STXBP4: variants seen among roughly 807,000 people sequenced by gnomAD.
STXBP4 encodes the protein syntaxin-binding protein 4.
Under a neutral mutation model 76.1 loss-of-function variants are expected in STXBP4, and 55 were observed. The ratio of observed to expected loss-of-function variants is 0.72; its 90% CI spans 0.58 to 0.91. The LOEUF is 0.91. Ranked by LOEUF, STXBP4 falls within the 40% of genes least tolerant of loss-of-function variation. The probability of loss-of-function intolerance (pLI) is 0.00; values close to 1 mark genes in which losing one functional copy is unlikely to be tolerated. For missense variants in STXBP4, 618 were observed against 636.9 expected (o/e 0.97, Z 0.32); for synonymous variants, 201 against 220.2 (o/e 0.91, Z 0.77).
intron 13 of STXBP4, among the ~76,000 whole-genome samples, chr17:55,074,896 CT>C (rs1028303813): frequency 1.5e-3 from 217 of 147,396 alleles, no homozygotes; most frequent in Admixed American, 5.1e-3. Flanking sequence ...AGAAGGAAAC[CT>C]TTTTTTTTTA....
At position 54,999,452 on chromosome 17, in the gene STXBP4, G is replaced by T; in HGVS notation, c.287+1G>T. ...GCATAATTACCGGAGCCAAGTTGAG[G>T]TAACTATACTATCCATGAGATAGAA... On this transcript the variant is annotated splice_donor_variant, in intron 5 of 17. Coordinates refer to ENST00000376352, the MANE Select transcript of STXBP4 (RefSeq NM_178509.6). LOFTEE classifies it high-confidence loss of function. The T allele has an allele frequency of 1.9e-6, 3 of 1,605,498 alleles. No homozygotes were observed. The highest frequency in any genetic ancestry group is 2.6e-6 in the Non-Finnish European group (3 of 1,175,016).
At chr17:55,057,499 T>G (rs1460106733) in intron 12 of STXBP4, among the ~76,000 whole-genome samples, 1 of 152,158 alleles carries the variant, frequency 6.6e-6, no homozygotes, top group Non-Finnish European at 1.5e-5. Context: ...AGCAGCCTCT[T>G]TCTTCTTTGA....
chr17:55,103,874 A>T (rs186131040), intron 16 of STXBP4, among the ~76,000 whole-genome samples: 1 of 152,172 alleles, frequency 6.6e-6, no homozygotes, highest in African/African-American at 2.4e-5. Flanking sequence ...TAGGTATTTT[A>T]TTCTCTTTGT....
intron 16 of STXBP4, among the ~76,000 whole-genome samples, chr17:55,096,749 A>G (rs1170796801): frequency 1.3e-5 from 2 of 152,178 alleles, no homozygotes; most frequent in African/African-American, 2.4e-5. Flanking sequence ...TTGCGTAACA[A>G]TACATAAAAA....
the STXBP4 span, among the ~76,000 whole-genome samples, chr17:55,187,000 C>G: frequency 6.6e-6 from 1 of 152,224 alleles, no homozygotes; most frequent in South Asian, 2.1e-4. Flanking sequence ...GAAAGGTATT[C>G]ATTCAAGTGA....
In STXBP4 at chr17:55,078,064, A is replaced by T. The variant is rs1007486462; in HGVS notation, c.1189-14A>T. The T allele has an allele frequency of 2.0e-6, 3 of 1,528,458 alleles. No homozygotes were observed. The highest frequency in any genetic ancestry group is 2.7e-6 in the Non-Finnish European group (3 of 1,121,230). 94.7% of individuals were successfully genotyped at this position (1,528,458 alleles called of 1,614,324 possible). ...AAGAAATGTGTAAATGCTCCTTTTG[A>T]TATCTCTGTGCAGGAAAGTGTTCAG... On this transcript the variant is annotated splice_polypyrimidine_tract_variant and intron_variant, in intron 13 of 17. Transcript: ENST00000376352.
At chr17:55,017,160 GT>G (rs1216518721) in intron 8 of STXBP4, among the ~76,000 whole-genome samples, 2 of 152,112 alleles carry the variant, frequency 1.3e-5, no homozygotes, top group African/African-American at 4.8e-5. Flanking sequence ...GGGCACACTG[GT>G]TTTTTACTAT....
At chr17:55,193,854 A>G in the STXBP4 span, among the ~76,000 whole-genome samples, 1 of 150,986 alleles carries the variant, frequency 6.6e-6, no homozygotes. Context: ...TTCCTACAGC[A>G]AGGTGTCCAT....
chr17:54,986,085 A>G, intron 2 of STXBP4, 57 bp from the exon 3 acceptor site: 1 of 728,186 alleles, frequency 1.4e-6, no homozygotes, highest in Non-Finnish European at 2.4e-6. Context: ...GAACAGTTGG[A>G]ATCAAATTTG....
At chr17:55,159,137 T>A (rs2080312013) in intron 17 of STXBP4, among the ~76,000 whole-genome samples, 1 of 152,018 alleles carries the variant, frequency 6.6e-6, no homozygotes, top group South Asian at 2.1e-4. Flanking sequence ...CCTAGCTACT[T>A]GGGAGGCTGA....
chr17:55,095,718 T>A (rs991341174), intron 16 of STXBP4, among the ~76,000 whole-genome samples: 1 of 152,196 alleles, frequency 6.6e-6, no homozygotes, highest in Non-Finnish European at 1.5e-5. Flanking sequence ...TAATATGTCC[T>A]CACAGCAACC....
At chr17:55,155,615 G>A (rs1272609189) in intron 17 of STXBP4, among the ~76,000 whole-genome samples, 3 of 150,914 alleles carry the variant, frequency 2.0e-5, no homozygotes, top group East Asian at 3.9e-4. Flanking sequence ...TCACAATGAT[G>A]TATAAATAGT....
At chr17:54,977,520 T>C (rs1237396866) in intron 1 of STXBP4, among the ~76,000 whole-genome samples, 2 of 152,264 alleles carry the variant, frequency 1.3e-5, no homozygotes, top group Non-Finnish European at 2.9e-5. Context: ...ATCAGGGACT[T>C]GAATATCTTC....
intron 16 of STXBP4, among the ~76,000 whole-genome samples, chr17:55,087,458 A>G (rs1307097045): frequency 6.6e-6 from 1 of 152,002 alleles, no homozygotes; most frequent in African/African-American, 2.4e-5. Context: ...AGGGTCATTC[A>G]TCTGCATATG....
At chr17:55,099,804 G>A (rs1427371113) in intron 16 of STXBP4, among the ~76,000 whole-genome samples, 1 of 152,206 alleles carries the variant, frequency 6.6e-6, no homozygotes, top group Non-Finnish European at 1.5e-5. Flanking sequence ...AAAACTTGGA[G>A]GAAGAACAGA....
the STXBP4 span, among the ~76,000 whole-genome samples, chr17:55,185,772 T>C: frequency 6.6e-6 from 1 of 152,116 alleles, no homozygotes; most frequent in East Asian, 1.9e-4. Flanking sequence ...ACGCATCCAC[T>C]CAGGGCATGG....
At chr17:54,996,285 G>A (rs931342750) in intron 4 of STXBP4, among the ~76,000 whole-genome samples, 3 of 149,902 alleles carry the variant, frequency 2.0e-5, no homozygotes, top group Non-Finnish European at 3.0e-5. Flanking sequence ...AAACATTGAG[G>A]TTCAAAAGAC....
intron 16 of STXBP4, among the ~76,000 whole-genome samples, chr17:55,125,498 A>AAAAAAAAAAC: frequency 6.6e-6 from 1 of 150,794 alleles, no homozygotes; most frequent in Non-Finnish European, 1.5e-5. Flanking sequence ...AAAAAAAAAA[A>AAAAAAAAAAC]AATACAATTG....
chr17:54,991,215 C>T (rs1411290940), intron 4 of STXBP4: 1 of 208,864 alleles, frequency 4.8e-6, no homozygotes, highest in African/African-American at 2.3e-5. Context: ...TGCTGTTCAA[C>T]TTTTATCCTG....
Sources: gnomAD v4.1 joint callset for allele counts (sites outside exome capture counted in the v4.1 genomes callset) on GRCh38, gnomAD v4.1.1 for gene constraint, MANE v1.5 for transcripts, NCBI Gene and HGNC (gene_info 2026-07-23, HGNC 2026-07-21) for gene names.